The following TAFA1 variants were observed in gnomAD, a reference collection of about 807,000 sequenced individuals.
TAFA1 encodes TAFA chemokine like family member 1, also known as chemokine-like protein TAFA-1.
Under a neutral mutation model 18.5 loss-of-function variants are expected in TAFA1, and 4 were observed. That is an observed-to-expected ratio of 0.22 (90% confidence interval 0.11 to 0.49). TAFA1 has a LOEUF of 0.49. Among genes scored for constraint, TAFA1 ranks in the 20% least tolerant of loss-of-function variants. The probability of loss-of-function intolerance (pLI) is 0.98; values close to 1 mark genes in which losing one functional copy is unlikely to be tolerated. For synonymous variants in TAFA1, 56 were observed against 55.2 expected, an observed-to-expected ratio of 1.01 and a Z score of -0.06; for missense variants, 147 against 169.0, an observed-to-expected ratio of 0.87 and a Z score of 0.72.
intron 2 of TAFA1, among the ~76,000 whole-genome samples, chr3:68,105,723 CAG>C (rs1419689553): frequency 6.6e-6 from 1 of 151,994 alleles, no homozygotes. Context: ...TTGCCACTAA[CAG>C]AGGATCATTT....
chr3:68,011,155 T>A (rs1021947175), intron 2 of TAFA1, among the ~76,000 whole-genome samples: 7 of 151,868 alleles, frequency 4.6e-5, no homozygotes, highest in Non-Finnish European at 7.4e-5. Flanking sequence ...GTGGGTGTCC[T>A]TGAAACTTAG....
At chr3:68,222,857 G>C (rs558390196) in intron 2 of TAFA1, among the ~76,000 whole-genome samples, 2 of 151,916 alleles carry the variant, frequency 1.3e-5, no homozygotes, top group Non-Finnish European at 2.9e-5. Flanking sequence ...ATTTTTAGTA[G>C]AGATGGGGTT....
the TAFA1 span, among the ~76,000 whole-genome samples, chr3:67,997,989 T>C: frequency 1.3e-5 from 2 of 150,676 alleles, no homozygotes; most frequent in Admixed American, 6.6e-5. Context: ...GAGGAAAAAA[T>C]AATAAAATAT....
intron 2 of TAFA1, among the ~76,000 whole-genome samples, chr3:68,026,596 G>A (rs1012199926): frequency 6.6e-6 from 1 of 152,066 alleles, no homozygotes; most frequent in African/African-American, 2.4e-5. Context: ...ATGACCTGAG[G>A]AGGTAGGAAC....
At chr3:68,532,806 AT>A (rs200323174) in intron 3 of TAFA1, among the ~76,000 whole-genome samples, 1,630 of 151,122 alleles carry the variant, frequency 0.011, 26 homozygotes, top group African/African-American at 0.038. Context: ...CTCATTGTAA[AT>A]TTTTTTTTAA....
intron 2 of TAFA1, among the ~76,000 whole-genome samples, chr3:68,197,082 A>G (rs950331211): frequency 6.6e-6 from 1 of 151,766 alleles, no homozygotes; most frequent in Non-Finnish European, 1.5e-5. Context: ...TTTCTTCTAG[A>G]AGGCCTAGAA....
upstream of TAFA1, among the ~76,000 whole-genome samples, chr3:68,002,391 G>A (rs1474797894): frequency 1.3e-5 from 2 of 152,114 alleles, no homozygotes; most frequent in Admixed American, 1.3e-4. Flanking sequence ...ATTGAATTAT[G>A]GAAGTAACTA....
At chr3:68,427,438 T>C (rs943769078) in intron 3 of TAFA1, among the ~76,000 whole-genome samples, 1 of 151,862 alleles carries the variant, frequency 6.6e-6, no homozygotes, top group Non-Finnish European at 1.5e-5. Context: ...GGAAAATCTA[T>C]AACCCTGTCC....
intron 2 of TAFA1, among the ~76,000 whole-genome samples, chr3:68,133,529 C>T (rs1258668125): frequency 1.3e-5 from 2 of 151,996 alleles, no homozygotes; most frequent in African/African-American, 4.8e-5. Context: ...TGTTTGTGTC[C>T]TGTCTTATTT....
rs564690690 is a variant in TAFA1, at chr3:68,121,040, C to T, written c.118+114296C>T. Among the ~76,000 whole-genome samples, 42 of 152,302 alleles carry T rather than the reference C, an allele frequency of 2.8e-4. 1 individual carries two copies. Among genetic ancestry groups the T allele is most frequent in the African/African-American group, 8.9e-4 (37 of 41,562 alleles). ...GGAATCAATAGTCTCTTCTTGCTTA[C>T]AGTCGCTTTTTGTCTCAGCTCATGT... On this transcript the variant is annotated intron_variant, in intron 2 of 4. Transcript: ENST00000478136.
chr3:68,350,104 C>T (rs1205815612), intron 2 of TAFA1, among the ~76,000 whole-genome samples: 1 of 152,092 alleles, frequency 6.6e-6, no homozygotes, highest in African/African-American at 2.4e-5. Flanking sequence ...CAAATGTTAT[C>T]TTAAAAACTC....
At chr3:68,095,410 C>T (rs1201635521) in intron 2 of TAFA1, among the ~76,000 whole-genome samples, 1 of 152,138 alleles carries the variant, frequency 6.6e-6, no homozygotes, top group African/African-American at 2.4e-5. Context: ...GGCACTCAGA[C>T]ATAAAAAGCT....
chr3:68,261,098 G>C (rs147527867), intron 2 of TAFA1, among the ~76,000 whole-genome samples: 2 of 151,756 alleles, frequency 1.3e-5, no homozygotes, highest in African/African-American at 4.8e-5. Flanking sequence ...TCAAAAAGTG[G>C]GCGAAGGATA....
At chr3:68,473,805 C>T (rs1001874073) in intron 3 of TAFA1, among the ~76,000 whole-genome samples, 1 of 152,124 alleles carries the variant, frequency 6.6e-6, no homozygotes, top group African/African-American at 2.4e-5. Flanking sequence ...GTAGCATGCT[C>T]ACTCCCCATC....
intron 2 of TAFA1, among the ~76,000 whole-genome samples, chr3:68,203,376 G>C (rs1311213273): frequency 1.3e-5 from 2 of 151,628 alleles, no homozygotes; most frequent in Admixed American, 6.6e-5. Context: ...GTCATTTTCT[G>C]TTTGTTAATT....
intron 3 of TAFA1, among the ~76,000 whole-genome samples, chr3:68,477,786 G>A (rs73092844): frequency 0.22 from 33,116 of 152,112 alleles, 4,566 homozygotes; most frequent in East Asian, 0.47. Context: ...AGAAGATATA[G>A]CTAGTTTTCC....
At chr3:68,203,031 T>G (rs1161583648) in intron 2 of TAFA1, among the ~76,000 whole-genome samples, 1 of 151,722 alleles carries the variant, frequency 6.6e-6, no homozygotes, top group Admixed American at 6.6e-5. Flanking sequence ...GAGAAAAACT[T>G]TATTTCTTCT....
chr3:68,111,101 T>C (rs2065256784), intron 2 of TAFA1, among the ~76,000 whole-genome samples: 1 of 152,210 alleles, frequency 6.6e-6, no homozygotes, highest in South Asian at 2.1e-4. Context: ...TATAGAAATA[T>C]AGGCTACCAC....
intron 2 of TAFA1, among the ~76,000 whole-genome samples, chr3:68,306,528 A>G (rs1471205226): frequency 7.2e-5 from 11 of 152,156 alleles, no homozygotes; most frequent in Admixed American, 7.2e-4. Context: ...GTATGTTTAA[A>G]TTTACATGCT....
Sources: allele counts gnomAD v4.1 joint callset (sites outside exome capture counted in the v4.1 genomes callset), GRCh38; gene constraint gnomAD v4.1.1; transcripts MANE v1.5; gene names NCBI Gene and HGNC (gene_info 2026-07-23, HGNC 2026-07-21).